Variants in ZNF407 observed in about 807,000 individuals in gnomAD.
The protein encoded by ZNF407 is zinc finger protein 407.
ZNF407 carries 17 observed loss-of-function variants against 131.2 expected under a neutral mutation model. The ratio of observed to expected loss-of-function variants is 0.13; its 90% CI spans 0.09 to 0.19. The LOEUF (loss-of-function observed/expected upper bound fraction) is 0.19, where lower values mean the gene tolerates loss of function less well. Among genes scored for constraint, ZNF407 ranks in the 10% least tolerant of loss-of-function variants. The pLI, the probability that ZNF407 is intolerant of heterozygous loss-of-function variation, is 1.00. For missense variants in ZNF407, 2,681 were observed against 2,830.6 expected (o/e 0.95, Z 1.20); for synonymous variants, 1,156 against 1,062.0 (o/e 1.09, Z -1.72).
intron 8 of ZNF407, among the ~76,000 whole-genome samples, chr18:74,951,346 C>T (rs963302261): frequency 6.6e-6 from 1 of 152,198 alleles, no homozygotes; most frequent in South Asian, 2.1e-4. Flanking sequence ...CACTTTCTCT[C>T]CTCCCTGTTC....
chr18:74,879,376 A>G (rs1011266942), intron 5 of ZNF407, among the ~76,000 whole-genome samples: 1 of 151,798 alleles, frequency 6.6e-6, no homozygotes, highest in Admixed American at 6.6e-5. Flanking sequence ...CTGCACACAC[A>G]CTCCTCACAC....
intron 3 of ZNF407, among the ~76,000 whole-genome samples, chr18:74,747,240 T>C (rs557079934): frequency 6.6e-6 from 1 of 152,310 alleles, no homozygotes; most frequent in African/African-American, 2.4e-5. Flanking sequence ...CAATTAAGTA[T>C]TTACCTGCTT....
intron 4 of ZNF407, among the ~76,000 whole-genome samples, chr18:74,832,464 G>GT (rs933333102): frequency 4.7e-5 from 7 of 149,008 alleles, no homozygotes; most frequent in Admixed American, 6.7e-5. Flanking sequence ...TTTTCTTTTT[G>GT]TTTTTTTTGA....
intron 8 of ZNF407, among the ~76,000 whole-genome samples, chr18:74,974,067 TAGTA>T (rs1490271077): frequency 1.3e-5 from 2 of 152,186 alleles, no homozygotes; most frequent in African/African-American, 4.8e-5. Flanking sequence ...TAATTTATCA[TAGTA>T]TATATAAGTA....
intron 4 of ZNF407, among the ~76,000 whole-genome samples, chr18:74,843,394 C>A (rs373046936): frequency 1.2e-3 from 184 of 152,244 alleles, no homozygotes; most frequent in African/African-American, 4.3e-3. Context: ...TACCTTAACA[C>A]AAATTTGATT....
intron 8 of ZNF407, among the ~76,000 whole-genome samples, chr18:74,947,497 A>G (rs1204724738): frequency 6.6e-6 from 1 of 152,218 alleles, no homozygotes; most frequent in Non-Finnish European, 1.5e-5. Context: ...CATTTAAATT[A>G]AAAAATAAAT....
intron 3 of ZNF407, among the ~76,000 whole-genome samples, chr18:74,775,451 A>G (rs10871532): frequency 0.66 from 100,387 of 152,102 alleles, 34,822 homozygotes; most frequent in East Asian, 0.95. Flanking sequence ...TTTGTAATCA[A>G]ATTCTGATGA....
chr18:74,936,929 A>C (rs1972046566), intron 8 of ZNF407, among the ~76,000 whole-genome samples: 2 of 152,202 alleles, frequency 1.3e-5, no homozygotes, highest in Admixed American at 1.3e-4. Context: ...ACTTTGTGAA[A>C]TTTATAGTGT....
At chr18:74,800,801 C>T (rs896326608) in intron 4 of ZNF407, among the ~76,000 whole-genome samples, 3 of 152,098 alleles carry the variant, frequency 2.0e-5, no homozygotes, top group African/African-American at 7.2e-5. Flanking sequence ...ACGATTTTTA[C>T]ATTGAATGTC....
intron 4 of ZNF407, among the ~76,000 whole-genome samples, chr18:74,852,164 T>TACACACACAC (rs10539805): frequency 5.3e-5 from 8 of 149,560 alleles, no homozygotes; most frequent in Admixed American, 2.0e-4. Flanking sequence ...GGATGCATGC[T>TACACACACAC]ACACACACAC....
intron 3 of ZNF407, among the ~76,000 whole-genome samples, chr18:74,710,778 A>G (rs2144845310): frequency 6.6e-6 from 1 of 152,310 alleles, no homozygotes. Flanking sequence ...ATGTTTTCAG[A>G]TCTTCATGAG....
chr18:74,617,501 T>C (rs1983367471), intron 1 of ZNF407, among the ~76,000 whole-genome samples: 1 of 152,246 alleles, frequency 6.6e-6, no homozygotes, highest in Non-Finnish European at 1.5e-5. Flanking sequence ...TATAAAGCCT[T>C]TCTCTGTCTT....
intron 4 of ZNF407, among the ~76,000 whole-genome samples, chr18:74,829,007 T>C (rs1356665177): frequency 1.3e-5 from 2 of 152,224 alleles, no homozygotes; most frequent in Non-Finnish European, 2.9e-5. Context: ...ACATGTTATG[T>C]TGGTTAAACA....
intron 8 of ZNF407, among the ~76,000 whole-genome samples, chr18:75,004,747 G>C (rs772375125): frequency 1.3e-5 from 2 of 152,136 alleles, no homozygotes; most frequent in African/African-American, 4.8e-5. Flanking sequence ...TTCTTCAGCC[G>C]TCATCAACCA....
chr18:74,633,364 C>G lies in ZNF407; in HGVS notation c.2345C>G (p.Ala782Gly). 1 of 1,613,806 alleles carries G rather than the reference C, an allele frequency of 6.2e-7. No individual in the cohort carries two copies. The highest frequency in any genetic ancestry group is 1.1e-5 in the South Asian group (1 of 91,074). ...TGTATTGAAAGGGTATGTATAGGTGCAAATGATAAAAAAGAAGAGTTTGAT... is the reference window on the plus strand; with the variant it reads ...TGTATTGAAAGGGTATGTATAGGTGGAAATGATAAAAAAGAAGAGTTTGAT... Reference protein sequence around the residue: ...EECIERVCIGANDKKEEFDVS... With the variant: ...EECIERVCIGGNDKKEEFDVS... Residue 782 changes from alanine (A) to glycine (G), a missense_variant, in exon 2 of 9, where the codon GCA becomes GGA. Transcript: ENST00000299687.
chr18:74,685,423 C>G (rs1397611804), intron 3 of ZNF407, among the ~76,000 whole-genome samples: 1 of 152,174 alleles, frequency 6.6e-6, no homozygotes, highest in Non-Finnish European at 1.5e-5. Context: ...TGATATAGGT[C>G]TCCTGCTCAA....
At chr18:74,679,034 G>A (rs1966918243) in intron 3 of ZNF407, among the ~76,000 whole-genome samples, 1 of 151,864 alleles carries the variant, frequency 6.6e-6, no homozygotes, top group Admixed American at 6.6e-5. Flanking sequence ...ATGATGGGTA[G>A]AGTAGGAGAT....
chr18:74,945,138 A>T (rs1479392784), intron 8 of ZNF407, among the ~76,000 whole-genome samples: 1 of 152,188 alleles, frequency 6.6e-6, no homozygotes, highest in Non-Finnish European at 1.5e-5. Flanking sequence ...GAAGTGTATC[A>T]AAACCTGTTG....
At chr18:75,023,832 A>G (rs1350238921) in intron 8 of ZNF407, among the ~76,000 whole-genome samples, 1 of 152,188 alleles carries the variant, frequency 6.6e-6, no homozygotes, top group African/African-American at 2.4e-5. Flanking sequence ...TATTTAGCTT[A>G]TTTCATGTAC....
Sources: allele counts gnomAD v4.1 joint callset (sites outside exome capture counted in the v4.1 genomes callset), GRCh38; gene constraint gnomAD v4.1.1; transcripts MANE v1.5; gene names NCBI Gene and HGNC (gene_info 2026-07-23, HGNC 2026-07-21).